Variants in TMEM117 observed in about 807,000 individuals in gnomAD.
The protein encoded by TMEM117 is transmembrane protein 117.
Under a neutral mutation model 52.4 loss-of-function variants are expected in TMEM117, and 27 were observed. That is an observed-to-expected ratio of 0.51 (90% CI 0.38 to 0.71). The LOEUF (loss-of-function observed/expected upper bound fraction) is 0.71. Among genes scored for constraint, TMEM117 ranks in the 30% least tolerant of loss-of-function variants. The probability of loss-of-function intolerance (pLI) is 0.00; values close to 1 mark genes in which losing one functional copy is unlikely to be tolerated. For synonymous variants in TMEM117, 215 were observed against 206.3 expected (o/e 1.04, Z -0.36); for missense variants, 556 against 630.5 (o/e 0.88, Z 1.26).
chr12:43,848,347 C>T (rs1943247364), intron 2 of TMEM117, among the ~76,000 whole-genome samples: 1 of 152,126 alleles, frequency 6.6e-6, no homozygotes, highest in African/African-American at 2.4e-5. Context: ...CAGGGCTTAT[C>T]TCAGTCCTTA....
At chr12:44,114,162 C>T (rs938665274) in intron 3 of TMEM117, among the ~76,000 whole-genome samples, 34 of 151,834 alleles carry the variant, frequency 2.2e-4, no homozygotes, top group Admixed American at 8.5e-4. Context: ...AGTAATCACC[C>T]GTCTTCTGCG....
At chr12:44,329,872 TTGTA>T (rs1200662922) in intron 6 of TMEM117, among the ~76,000 whole-genome samples, 1 of 152,120 alleles carries the variant, frequency 6.6e-6, no homozygotes, top group Non-Finnish European at 1.5e-5. Flanking sequence ...TACTATGTCT[TTGTA>T]TGTATATACC....
chr12:44,000,722 T>C (rs146589682), intron 3 of TMEM117, among the ~76,000 whole-genome samples: 1 of 152,216 alleles, frequency 6.6e-6, no homozygotes, highest in Non-Finnish European at 1.5e-5. Flanking sequence ...TGGAGAGAAG[T>C]AGGTCCCTGC....
intron 6 of TMEM117, among the ~76,000 whole-genome samples, chr12:44,303,743 C>T (rs1950871011): frequency 6.6e-6 from 1 of 152,122 alleles, no homozygotes; most frequent in Non-Finnish European, 1.5e-5. Context: ...AAGTATTTGA[C>T]TTGTAGCATA....
the TMEM117 span, among the ~76,000 whole-genome samples, chr12:43,825,033 T>C: frequency 6.6e-6 from 1 of 152,252 alleles, no homozygotes; most frequent in Non-Finnish European, 1.5e-5. Flanking sequence ...GGAACTTAAA[T>C]GACTGAAGAC....
intron 6 of TMEM117, among the ~76,000 whole-genome samples, chr12:44,353,612 T>G (rs1024854075): frequency 9.2e-5 from 14 of 152,298 alleles, no homozygotes; most frequent in African/African-American, 3.4e-4. Context: ...GTTGTAGATA[T>G]GTGGCATTAT....
At chr12:44,066,724 T>A (rs146347814) in intron 3 of TMEM117, among the ~76,000 whole-genome samples, 73 of 152,338 alleles carry the variant, frequency 4.8e-4, no homozygotes, top group Admixed American at 1.4e-3. Context: ...CGAATTGTAA[T>A]CTTTGCTGGT....
intron 2 of TMEM117, among the ~76,000 whole-genome samples, chr12:43,933,029 A>T (rs1944896373): frequency 6.6e-6 from 1 of 152,206 alleles, no homozygotes; most frequent in Non-Finnish European, 1.5e-5. Context: ...GACCATGGAA[A>T]TCAGCCTTCA....
At position 43,881,790 on chromosome 12, in the gene TMEM117, C is replaced by CAAAAA. The variant is rs58734580; in HGVS notation, c.277+36880_277+36884dup. On this transcript the variant is annotated intron_variant, in intron 2 of 7. Transcript: ENST00000266534. ...GGCAACAAGAGTGAAACTCTTGTCT[C>CAAAAA]AAAAAAAAAAAAAAAAAAAAAAGGC... 1.9e-4 allele frequency among the ~76,000 whole-genome samples: 8 copies of CAAAAA among 42,012 alleles called. 1 individual carries two copies. Among genetic ancestry groups the CAAAAA allele is most frequent in the East Asian group, 7.8e-4 (1 of 1,276 alleles). The allele number at this position is 42,012 out of a possible 152,430, so 27.6% of individuals were successfully genotyped here.
intron 4 of TMEM117, among the ~76,000 whole-genome samples, chr12:44,198,485 CTT>C: frequency 6.6e-6 from 1 of 152,190 alleles, no homozygotes; most frequent in Non-Finnish European, 1.5e-5. Context: ...ACCAGAAACT[CTT>C]TACCTGTCAT....
At chr12:43,881,836 T>C (rs1592330147) in intron 2 of TMEM117, among the ~76,000 whole-genome samples, 1 of 142,054 alleles carries the variant, frequency 7.0e-6, no homozygotes, top group East Asian at 2.1e-4. Flanking sequence ...GGCTCATGCC[T>C]GTAATCCCAG....
chr12:43,829,391 A>G, the TMEM117 span, among the ~76,000 whole-genome samples: 1 of 152,206 alleles, frequency 6.6e-6, no homozygotes, highest in African/African-American at 2.4e-5. Flanking sequence ...ATGTATTTAT[A>G]TTAGAAACCT....
chr12:44,328,928 T>C (rs900860133), intron 6 of TMEM117, among the ~76,000 whole-genome samples: 1 of 151,890 alleles, frequency 6.6e-6, no homozygotes, highest in Non-Finnish European at 1.5e-5. Flanking sequence ...AAGACAAGTC[T>C]TGGATAGCTC....
chr12:43,910,523 G>T (rs1238052332), intron 2 of TMEM117, among the ~76,000 whole-genome samples: 2 of 147,966 alleles, frequency 1.4e-5, no homozygotes, highest in African/African-American at 2.5e-5. Context: ...GGAAATAAAG[G>T]GTATTCAATT....
chr12:44,359,294 A>G (rs969735467), intron 6 of TMEM117, among the ~76,000 whole-genome samples: 2 of 152,110 alleles, frequency 1.3e-5, no homozygotes, highest in African/African-American at 2.4e-5. Flanking sequence ...CAAAATTAAA[A>G]TAATATACAA....
At chr12:44,218,194 A>T (rs1015774740) in intron 5 of TMEM117, among the ~76,000 whole-genome samples, 6 of 151,964 alleles carry the variant, frequency 3.9e-5, no homozygotes, top group African/African-American at 1.5e-4. Flanking sequence ...ACTTCACTCC[A>T]GCCTGGGTGA....
intron 3 of TMEM117, among the ~76,000 whole-genome samples, chr12:43,944,888 G>A (rs1057143902): frequency 2.6e-5 from 4 of 151,854 alleles, no homozygotes; most frequent in African/African-American, 9.7e-5. Flanking sequence ...CTGAGGCAGC[G>A]GATCACAAGG....
At chr12:43,968,615 A>T (rs912291521) in intron 3 of TMEM117, among the ~76,000 whole-genome samples, 3 of 152,208 alleles carry the variant, frequency 2.0e-5, no homozygotes, top group African/African-American at 7.2e-5. Context: ...GTAAATATTC[A>T]GCTTGAAAAG....
rs553508880 is a variant in TMEM117 at position 44,030,850 on chromosome 12, C to G, written c.410+86508C>G. On this transcript the variant is annotated intron_variant, in intron 3 of 7. Transcript: ENST00000266534. ...TGAGAAGTTAATTATAAAAGAAATTCTGTGTGTGAATATATTGGCTAAAGT... is the reference window on the plus strand; with the variant it reads ...TGAGAAGTTAATTATAAAAGAAATTGTGTGTGTGAATATATTGGCTAAAGT... Among the ~76,000 whole-genome samples the G allele has an allele frequency of 2.6e-5, 4 of 151,920 alleles. No individual in the cohort carries two copies. In the South Asian group the frequency reaches 6.2e-4, roughly 24 times the overall value.
Sources: allele counts gnomAD v4.1 joint callset (sites outside exome capture counted in the v4.1 genomes callset), GRCh38; gene constraint gnomAD v4.1.1; transcripts MANE v1.5; gene names NCBI Gene and HGNC (gene_info 2026-07-23, HGNC 2026-07-21).